LYRM4: variants seen among roughly 807,000 people sequenced by gnomAD.
LYRM4 encodes LYR motif-containing protein 4.
In LYRM4, 9 loss-of-function variants were observed where a neutral mutation model predicts 11.7. The ratio of observed to expected loss-of-function variants is 0.77; its 90% CI spans 0.46 to 1.34. The LOEUF (loss-of-function observed/expected upper bound fraction) is 1.34, where lower values mean the gene tolerates loss of function less well. Among genes scored for constraint, LYRM4 ranks in the 40% most tolerant of loss-of-function variants. LYRM4 has a pLI of 0.00. For synonymous variants in LYRM4, 42 were observed against 40.4 expected, an observed-to-expected ratio of 1.04 and a Z score of -0.15; for missense variants, 133 against 112.5, an observed-to-expected ratio of 1.18 and a Z score of -0.82.
chr6:5,190,252 C>G (rs1760675999), intron 2 of LYRM4, among the ~76,000 whole-genome samples: 1 of 151,350 alleles, frequency 6.6e-6, no homozygotes, highest in Non-Finnish European at 1.5e-5. Flanking sequence ...ATTTAAAAAC[C>G]AATTTGGCTC....
chr6:5,136,928 C>T, intron 2 of LYRM4: 1 of 706,388 alleles, frequency 1.4e-6, no homozygotes, highest in Non-Finnish European at 1.7e-6. Context: ...GCATCCATTA[C>T]CACAATCAAT....
intron 2 of LYRM4, among the ~76,000 whole-genome samples, chr6:5,169,499 A>G (rs1467167935): frequency 6.6e-6 from 1 of 152,228 alleles, no homozygotes; most frequent in Non-Finnish European, 1.5e-5. Flanking sequence ...ATAACTATAC[A>G]AGGCAAAAAT....
Position 5,178,623 on chromosome 6 carries a change from G to A in LYRM4, c.207+37995C>T, listed in dbSNP as rs1759861534. On this transcript the variant is annotated intron_variant, in intron 2 of 2. Transcript: ENST00000330636. ...GAGGTCAGGAGTTTGAGACCAGCCT[G>A]ACCAACATGGTGAAACCCTGTCTCT... Among the ~76,000 whole-genome samples, 3 of 151,296 alleles carry A rather than the reference G, an allele frequency of 2.0e-5. No individual in the cohort carries two copies. The South Asian group carries it at 6.3e-4, about 32-fold the overall frequency.
At chr6:5,148,662 C>CA (rs1757915234) in intron 2 of LYRM4, among the ~76,000 whole-genome samples, 2 of 150,664 alleles carry the variant, frequency 1.3e-5, no homozygotes, top group Admixed American at 6.6e-5. Context: ...CACACACACA[C>CA]CTCTCTCTCT....
intron 2 of LYRM4, among the ~76,000 whole-genome samples, chr6:5,146,638 G>A (rs1301089661): frequency 6.6e-5 from 10 of 152,144 alleles, no homozygotes; most frequent in Admixed American, 2.0e-4. Context: ...CTTGCTTGAC[G>A]TTAGGCAGTT....
the LYRM4 span, among the ~76,000 whole-genome samples, chr6:5,096,247 T>C: frequency 1.3e-5 from 2 of 152,142 alleles, no homozygotes; most frequent in Non-Finnish European, 2.9e-5. Context: ...CTCAGCACTT[T>C]GGGAAACTGA....
chr6:5,101,990 G>GTTT (rs1762519776), downstream of LYRM4, among the ~76,000 whole-genome samples: 11 of 31,988 alleles, frequency 3.4e-4, no homozygotes, highest in East Asian at 2.6e-3. Context: ...TTTTTGGAGA[G>GTTT]TTATGTTGCC....
the LYRM4 span, among the ~76,000 whole-genome samples, chr6:5,046,340 G>A: frequency 6.6e-6 from 1 of 152,060 alleles, no homozygotes; most frequent in Non-Finnish European, 1.5e-5. Flanking sequence ...TAGAGACGGG[G>A]TTTCACCGTG....
chr6:5,091,042 A>G, the LYRM4 span, among the ~76,000 whole-genome samples: 1 of 152,148 alleles, frequency 6.6e-6, no homozygotes, highest in African/African-American at 2.4e-5. Flanking sequence ...TTTTTGGTTC[A>G]CACAATAGGA....
Position 5,193,160 on chromosome 6 carries a change from G to A in LYRM4, c.207+23458C>T, listed in dbSNP as rs955651099. ...ATTCCTTAAACAAGAAGAGAGGGCT[G>A]ACATGACAAACAACAAAAGTAACAA... On this transcript the variant is annotated intron_variant, in intron 2 of 2. Coordinates refer to ENST00000330636, the MANE Select transcript of LYRM4 (RefSeq NM_020408.6). Among the ~76,000 whole-genome samples the A allele has an allele frequency of 2.0e-5, 3 of 152,262 alleles. No individual in the cohort carries two copies. In the South Asian group the frequency reaches 6.2e-4, roughly 32 times the overall value.
At chr6:5,037,774 G>A in the LYRM4 span, among the ~76,000 whole-genome samples, 7 of 54,964 alleles carry the variant, frequency 1.3e-4, no homozygotes, top group Non-Finnish European at 2.2e-4. Flanking sequence ...GGGCAGAGGC[G>A]CCCCTCACCT....
At chr6:5,046,775 C>T in the LYRM4 span, among the ~76,000 whole-genome samples, 4 of 152,088 alleles carry the variant, frequency 2.6e-5, no homozygotes, top group African/African-American at 4.8e-5. Flanking sequence ...AGATGGCTTC[C>T]GTCATATTCT....
At chr6:5,063,252 C>T in the LYRM4 span, among the ~76,000 whole-genome samples, 1 of 152,080 alleles carries the variant, frequency 6.6e-6, no homozygotes, top group African/African-American at 2.4e-5. Context: ...CCGACTAAAG[C>T]CTTGGTCCTC....
At chr6:5,136,900 T>C (rs1561820712) in intron 2 of LYRM4, 1 of 903,686 alleles carries the variant, frequency 1.1e-6, no homozygotes, top group East Asian at 1.2e-4. Context: ...CAATGGTTTT[T>C]AGTATATTCA....
rs1187562062 is a variant in LYRM4 at position 5,248,930 on chromosome 6, C to G, written c.86+11718G>C. On this transcript the variant is annotated intron_variant, in intron 1 of 2. Transcript: ENST00000330636. ...AATGTTTGCTGAATGAAACATCAAACAAGCATCATATCAAAGCTACATATT... is the reference window on the plus strand; with the variant it reads ...AATGTTTGCTGAATGAAACATCAAAGAAGCATCATATCAAAGCTACATATT... Among the ~76,000 whole-genome samples the G allele has an allele frequency of 2.0e-5, 3 of 152,350 alleles. No individual in the cohort carries two copies. The East Asian group carries it at 5.8e-4, about 29-fold the overall frequency.
intron 1 of LYRM4, among the ~76,000 whole-genome samples, chr6:5,234,211 G>T (rs573030869): frequency 5.9e-5 from 9 of 152,308 alleles, no homozygotes; most frequent in African/African-American, 2.2e-4. Context: ...TAGTTTTGGG[G>T]AAAATTTCAC....
intron 1 of LYRM4, among the ~76,000 whole-genome samples, chr6:5,251,878 A>G (rs1261894142): frequency 6.6e-6 from 1 of 152,248 alleles, no homozygotes; most frequent in Non-Finnish European, 1.5e-5. Flanking sequence ...CCACTCCAGG[A>G]GCTCATGGTT....
chr6:5,097,649 C>T, the LYRM4 span, among the ~76,000 whole-genome samples: 1,864 of 152,286 alleles, frequency 0.012, 47 homozygotes, highest in African/African-American at 0.043. Context: ...CTGTACCCGG[C>T]CAATAAATTA....
chr6:5,086,179 G>A, the LYRM4 span: 27 of 1,532,430 alleles, frequency 1.8e-5, 1 homozygote, highest in Middle Eastern at 1.7e-3. Flanking sequence ...CTCGGGCGCT[G>A]AGGTGAAGGG....
Sources: gnomAD v4.1 joint callset for allele counts (sites outside exome capture counted in the v4.1 genomes callset) on GRCh38, gnomAD v4.1.1 for gene constraint, MANE v1.5 for transcripts, NCBI Gene and HGNC (gene_info 2026-07-23, HGNC 2026-07-21) for gene names.